PDE11A: variants seen among roughly 807,000 people sequenced by gnomAD.
PDE11A encodes dual 3',5'-cyclic-AMP and -GMP phosphodiesterase 11A.
PDE11A carries 100 observed loss-of-function variants against 100.5 expected under a neutral mutation model. The observed-to-expected ratio is 1.00, with a 90% CI of 0.85 to 1.18. The LOEUF (loss-of-function observed/expected upper bound fraction) is 1.18, where lower values mean the gene tolerates loss of function less well. Among genes scored for constraint, PDE11A ranks in the 50% most tolerant of loss-of-function variants. The probability of loss-of-function intolerance (pLI) is 0.00; values close to 1 mark genes in which losing one functional copy is unlikely to be tolerated. For synonymous variants in PDE11A, 381 were observed against 420.8 expected (o/e 0.91, Z 1.16); for missense variants, 1,141 against 1,152.6 (o/e 0.99, Z 0.15).
intron 16 of PDE11A, among the ~76,000 whole-genome samples, chr2:177,678,675 G>A (rs2080815468): frequency 6.6e-6 from 1 of 152,154 alleles, no homozygotes; most frequent in African/African-American, 2.4e-5. Flanking sequence ...AATGGGGGAG[G>A]GAGGGCAGAT....
At chr2:177,872,320 T>C (rs569816619) in intron 5 of PDE11A, among the ~76,000 whole-genome samples, 1 of 152,336 alleles carries the variant, frequency 6.6e-6, no homozygotes, top group Non-Finnish European at 1.5e-5. Context: ...AAGTCTATCA[T>C]GACATAGTGA....
intron 12 of PDE11A, among the ~76,000 whole-genome samples, chr2:177,719,925 C>T (rs978414971): frequency 1.2e-4 from 19 of 152,094 alleles, no homozygotes; most frequent in African/African-American, 4.3e-4. Context: ...TCCAGCTCTG[C>T]TGGGTCATAC....
At chr2:177,784,125 A>G (rs1156672450) in intron 9 of PDE11A, among the ~76,000 whole-genome samples, 4 of 151,654 alleles carry the variant, frequency 2.6e-5, no homozygotes, top group Non-Finnish European at 5.9e-5. Flanking sequence ...TTTTAGGATT[A>G]AGGAAGAGTG....
At chr2:177,659,095 C>T (rs1031247682) in intron 19 of PDE11A, among the ~76,000 whole-genome samples, 4 of 151,816 alleles carry the variant, frequency 2.6e-5, no homozygotes, top group East Asian at 3.9e-4. Flanking sequence ...CCCATCTCTA[C>T]GAAAAATACA....
chr2:177,984,503 C>T (rs1574323198), intron 2 of PDE11A, among the ~76,000 whole-genome samples: 2 of 152,212 alleles, frequency 1.3e-5, no homozygotes, highest in South Asian at 4.2e-4. Flanking sequence ...TGTTTTTATT[C>T]TTGATAAATT....
intron 2 of PDE11A, among the ~76,000 whole-genome samples, chr2:177,914,542 A>G (rs533756597): frequency 3.9e-5 from 6 of 152,220 alleles, no homozygotes; most frequent in African/African-American, 1.4e-4. Context: ...GCTTCTGCAA[A>G]AAGTTGTTTT....
At chr2:177,723,927 T>G (rs2081564982) in intron 12 of PDE11A, among the ~76,000 whole-genome samples, 1 of 152,192 alleles carries the variant, frequency 6.6e-6, no homozygotes, top group Non-Finnish European at 1.5e-5. Flanking sequence ...GTCTACATCG[T>G]GAATATAAGA....
At position 178,023,904 on chromosome 2, in the gene PDE11A, C is replaced by T. The variant is rs1008165352; in HGVS notation, c.913-9444G>A. On this transcript the variant is annotated intron_variant, in intron 1 of 19. Coordinates refer to ENST00000286063, the MANE Select transcript of PDE11A (RefSeq NM_016953.4). ...ATATGCATGTATATAAGGTATTCTT[C>T]GGCCTACAGACACTTAGACATACAT... is the stretch of plus-strand genomic sequence containing the variant. 5.9e-5 allele frequency among the ~76,000 whole-genome samples: 9 copies of T among 152,236 alleles called. No homozygotes were observed. In the South Asian group the frequency reaches 6.2e-4, roughly 11 times the overall value.
intron 2 of PDE11A, among the ~76,000 whole-genome samples, chr2:177,945,974 C>T (rs1478939488): frequency 5.3e-5 from 8 of 149,848 alleles, no homozygotes; most frequent in Non-Finnish European, 7.5e-5. Flanking sequence ...CCCCTCAGCC[C>T]GGCCAGCCAC....
chr2:177,653,160 T>G (rs184058384), intron 19 of PDE11A, among the ~76,000 whole-genome samples: 19 of 152,322 alleles, frequency 1.2e-4, no homozygotes, highest in African/African-American at 3.4e-4. Context: ...CTAGAGAAGA[T>G]TCCCACTTTT....
At chr2:177,830,601 A>AAAT (rs56365605) in intron 6 of PDE11A, among the ~76,000 whole-genome samples, 3,409 of 139,964 alleles carry the variant, frequency 0.024, 110 homozygotes, top group African/African-American at 0.076. Flanking sequence ...ACTCCATCTC[A>AAAT]AATAATAATA....
intron 2 of PDE11A, among the ~76,000 whole-genome samples, chr2:177,990,040 C>A (rs898938523): frequency 7.2e-5 from 11 of 152,166 alleles, no homozygotes; most frequent in Admixed American, 2.0e-4. Context: ...CTAAAACTCA[C>A]ACCACTCACT....
chr2:177,868,227 C>T (rs899806699), intron 5 of PDE11A, among the ~76,000 whole-genome samples: 1 of 152,162 alleles, frequency 6.6e-6, no homozygotes, highest in African/African-American at 2.4e-5. Context: ...TGAGAAAAGT[C>T]ACAGGGCTGT....
chr2:177,727,851 C>T, intron 11 of PDE11A, 86 bp from the exon 12 acceptor site: 3 of 996,772 alleles, frequency 3.0e-6, no homozygotes, highest in East Asian at 2.4e-5. Flanking sequence ...ATCTGAGTAA[C>T]CCTCAGTGAT....
chr2:177,833,255 C>T (rs1483683140), intron 6 of PDE11A, among the ~76,000 whole-genome samples: 1 of 152,134 alleles, frequency 6.6e-6, no homozygotes, highest in East Asian at 1.9e-4. Flanking sequence ...TAAGGGAGGA[C>T]CTGGTGACTA....
chr2:177,787,960 T>C lies in PDE11A; in HGVS notation c.1738-18587A>G, dbSNP rs1303466422. Among the ~76,000 whole-genome samples, 3 of 151,948 alleles carry C rather than the reference T, an allele frequency of 2.0e-5. No individual in the cohort carries two copies. The East Asian group carries it at 5.8e-4, about 29-fold the overall frequency. The stretch of plus-strand genomic sequence containing the variant: ...AATGGGAGACTTTAACACCCCACTG[T>C]CAACATTAGACAGATCAATGAGACA... On this transcript the variant is annotated intron_variant, in intron 9 of 19. Transcript: ENST00000286063.
At chr2:177,838,868 A>G (rs548501951) in intron 6 of PDE11A, among the ~76,000 whole-genome samples, 1 of 152,334 alleles carries the variant, frequency 6.6e-6, no homozygotes, top group South Asian at 2.1e-4. Context: ...TTCCCAAGGA[A>G]AGGTAAGTCA....
rs144752826 is a variant in PDE11A at position 178,066,778 on chromosome 2, C to T, written c.912+4748G>A. Among the ~76,000 whole-genome samples, 137 of 152,316 alleles carry T rather than the reference C, an allele frequency of 9.0e-4. 3 individuals carry two copies. In the South Asian group the frequency reaches 0.012, roughly 14 times the overall value. ...ATGGCACCTCAGGCAGGCAATTCAG[C>T]GGGGGCCCCTTGCCCACCTTCAATC... is the stretch of plus-strand genomic sequence containing the variant. On this transcript the variant is annotated intron_variant, in intron 1 of 19. Transcript: ENST00000286063.
At chr2:177,937,414 T>G (rs1174375718) in intron 2 of PDE11A, among the ~76,000 whole-genome samples, 1 of 147,540 alleles carries the variant, frequency 6.8e-6, no homozygotes, top group African/African-American at 2.5e-5. Flanking sequence ...GCCTCCTGGG[T>G]TCATGCGATT....
Sources: gnomAD v4.1 joint callset for allele counts (sites outside exome capture counted in the v4.1 genomes callset) on GRCh38, gnomAD v4.1.1 for gene constraint, MANE v1.5 for transcripts, NCBI Gene and HGNC (gene_info 2026-07-23, HGNC 2026-07-21) for gene names.